Variants in RARB observed in about 807,000 individuals in gnomAD.
The protein encoded by RARB is retinoic acid receptor beta, also known as HBV-activated protein.
In RARB, 17 loss-of-function variants were observed where a neutral mutation model predicts 51.9. The observed-to-expected ratio is 0.33, with a 90% CI of 0.22 to 0.49. The LOEUF is 0.49. RARB is among the 20% of genes least tolerant of loss of function. RARB has a pLI of 0.99. For missense variants in RARB, 369 were observed against 550.8 expected, an observed-to-expected ratio of 0.67 and a Z score of 3.30; for synonymous variants, 215 against 195.4, an observed-to-expected ratio of 1.10 and a Z score of -0.84.
intron 5 of RARB, among the ~76,000 whole-genome samples, chr3:25,380,283 C>T (rs748886248): frequency 1.3e-5 from 2 of 152,152 alleles, no homozygotes; most frequent in Non-Finnish European, 2.9e-5. Flanking sequence ...CTGACATCGT[C>T]CATCCTCTTT....
rs189531694 is a variant in RARB at position 25,586,748 on chromosome 3, A to G, written c.786+6026A>G. ...TGTATAGCCATGGAGGGCCGTTCCC[A>G]TGTGAACCTGTCCCTCCCTCTCCCC... is the stretch of plus-strand genomic sequence containing the variant. On this transcript the variant is annotated intron_variant, in intron 5 of 7. Transcript: ENST00000330688. Among the ~76,000 whole-genome samples, 57 of 152,278 alleles carry G rather than the reference A, an allele frequency of 3.7e-4. 1 individual carries two copies. In the East Asian group the frequency reaches 0.011, roughly 29 times the overall value.
intron 5 of RARB, among the ~76,000 whole-genome samples, chr3:25,180,024 T>C (rs1007655987): frequency 1.3e-5 from 2 of 152,142 alleles, no homozygotes; most frequent in Non-Finnish European, 2.9e-5. Flanking sequence ...GAATATGAAT[T>C]AAAAACAAAA....
chr3:25,381,258 C>G (rs1370714184), intron 5 of RARB, among the ~76,000 whole-genome samples: 1 of 152,140 alleles, frequency 6.6e-6, no homozygotes, highest in Non-Finnish European at 1.5e-5. Flanking sequence ...AAGGAGGACT[C>G]TCTGAAAGGA....
chr3:25,571,539 A>T (rs919535846), intron 4 of RARB, among the ~76,000 whole-genome samples: 4 of 152,214 alleles, frequency 2.6e-5, no homozygotes, highest in African/African-American at 9.6e-5. Context: ...GAGTTTGGGG[A>T]ACACTGTCCC....
intron 5 of RARB, among the ~76,000 whole-genome samples, chr3:25,326,274 G>T (rs1704714362): frequency 6.6e-6 from 1 of 152,186 alleles, no homozygotes; most frequent in African/African-American, 2.4e-5. Context: ...GTCTAGAGTT[G>T]CCTCTAACAG....
chr3:25,358,964 G>T (rs1246095296), intron 5 of RARB, among the ~76,000 whole-genome samples: 1 of 151,872 alleles, frequency 6.6e-6, no homozygotes, highest in Non-Finnish European at 1.5e-5. Context: ...ATCTCTGCCA[G>T]GTTTTGGTAT....
chr3:25,303,937 A>G (rs148262679), intron 5 of RARB, among the ~76,000 whole-genome samples: 1 of 152,282 alleles, frequency 6.6e-6, no homozygotes, highest in East Asian at 1.9e-4. Context: ...ATCATATCCA[A>G]TATACTCCTG....
At chr3:25,322,474 C>G (rs1704599963) in intron 5 of RARB, among the ~76,000 whole-genome samples, 1 of 152,118 alleles carries the variant, frequency 6.6e-6, no homozygotes, top group South Asian at 2.1e-4. Flanking sequence ...CAAGTACATT[C>G]ATTTATATAT....
chr3:25,316,798 T>A (rs997015082), intron 5 of RARB, among the ~76,000 whole-genome samples: 1 of 152,200 alleles, frequency 6.6e-6, no homozygotes, highest in African/African-American at 2.4e-5. Flanking sequence ...CTTTTCTGCA[T>A]TGGAGACATT....
At chr3:24,981,896 T>A (rs1253957622) in intron 2 of RARB, among the ~76,000 whole-genome samples, 1 of 152,172 alleles carries the variant, frequency 6.6e-6, no homozygotes, top group Non-Finnish European at 1.5e-5. Flanking sequence ...AGACCAGAGC[T>A]ATTCCTATTC....
chr3:25,009,801 G>A (rs532481032), intron 2 of RARB, among the ~76,000 whole-genome samples: 1 of 152,030 alleles, frequency 6.6e-6, no homozygotes, highest in African/African-American at 2.4e-5. Flanking sequence ...GCCTTATTCT[G>A]TCTGGAAAAG....
intron 7 of RARB, among the ~76,000 whole-genome samples, chr3:25,595,492 A>G (rs541142399): frequency 1.6e-4 from 24 of 152,366 alleles, no homozygotes; most frequent in African/African-American, 5.5e-4. Context: ...AATTAAGAGT[A>G]GAAGTAAACA....
intron 5 of RARB, among the ~76,000 whole-genome samples, chr3:25,280,389 T>C (rs1470257716): frequency 1.3e-5 from 2 of 152,112 alleles, no homozygotes; most frequent in Admixed American, 1.3e-4. Flanking sequence ...CTTTGCTGCT[T>C]CTGCTGTTTT....
At chr3:25,444,286 C>T (rs1186404915) in intron 1 of RARB, among the ~76,000 whole-genome samples, 1 of 152,100 alleles carries the variant, frequency 6.6e-6, no homozygotes. Context: ...ATGTAGGGTT[C>T]CTTTTCTTTG....
At chr3:24,927,341 A>G (rs748382821) in intron 2 of RARB, among the ~76,000 whole-genome samples, 4 of 152,080 alleles carry the variant, frequency 2.6e-5, no homozygotes, top group Non-Finnish European at 4.4e-5. Context: ...GTAAGTTTGT[A>G]TTCCATTGTT....
At position 25,155,295 on chromosome 3, in the gene RARB, C is replaced by T. The variant is rs530662718; in HGVS notation, c.-279-18824C>T. On this transcript the variant is annotated intron_variant, in intron 4 of 11. Transcript: ENST00000383772. ...TAGAACTAATTCTCTTCCCCCTGAC[C>T]CCAGCACACGTAAACTTTATTTGCA... Among the ~76,000 whole-genome samples, 25 of 152,234 alleles carry T rather than the reference C, an allele frequency of 1.6e-4. No homozygotes were observed. The South Asian group carries it at 4.8e-3, about 29-fold the overall frequency.
intron 2 of RARB, among the ~76,000 whole-genome samples, chr3:24,922,292 T>C (rs1280202834): frequency 6.6e-6 from 1 of 152,192 alleles, no homozygotes; most frequent in Non-Finnish European, 1.5e-5. Context: ...CACACAGAAC[T>C]GCACGTTGGA....
intron 2 of RARB, among the ~76,000 whole-genome samples, chr3:24,942,071 C>G (rs1695679474): frequency 6.6e-6 from 1 of 152,158 alleles, no homozygotes; most frequent in African/African-American, 2.4e-5. Flanking sequence ...GGTCCAATGG[C>G]CTGATTTCAC....
intron 5 of RARB, among the ~76,000 whole-genome samples, chr3:25,267,568 T>C (rs1703155964): frequency 6.6e-6 from 1 of 152,226 alleles, no homozygotes; most frequent in Non-Finnish European, 1.5e-5. Context: ...TTAGAATAAC[T>C]TTCTGGCTTG....
Sources: gnomAD v4.1 joint callset for allele counts (sites outside exome capture counted in the v4.1 genomes callset) on GRCh38, gnomAD v4.1.1 for gene constraint, MANE v1.5 for transcripts, NCBI Gene and HGNC (gene_info 2026-07-23, HGNC 2026-07-21) for gene names.